Variants in TTC28 observed in about 807,000 individuals in gnomAD.
TTC28 encodes the protein tetratricopeptide repeat protein 28.
A neutral mutation model predicts 198.0 loss-of-function variants in TTC28; 61 were observed. The observed-to-expected ratio is 0.31, with a 90% CI of 0.25 to 0.38. The LOEUF is 0.38. Ranked by LOEUF, TTC28 falls within the 10% of genes least tolerant of loss-of-function variation. The pLI is 1.00. For missense variants in TTC28, 2,678 were observed against 3,164.0 expected (o/e 0.85, Z 3.69); for synonymous variants, 1,171 against 1,297.8 (o/e 0.90, Z 2.10).
At chr22:28,658,849 T>G (rs1313412511) in intron 1 of TTC28, among the ~76,000 whole-genome samples, 18 of 152,030 alleles carry the variant, frequency 1.2e-4, no homozygotes, top group Admixed American at 1.2e-3. Context: ...ATACAAAAAT[T>G]AGCCGGACAT....
At chr22:28,440,923 G>T (rs1445578117) in intron 2 of TTC28, among the ~76,000 whole-genome samples, 1 of 152,178 alleles carries the variant, frequency 6.6e-6, no homozygotes, top group Non-Finnish European at 1.5e-5. Flanking sequence ...CACCAAATAA[G>T]CATATGGTAT....
chr22:28,010,905 A>G (rs750530540), intron 14 of TTC28, among the ~76,000 whole-genome samples: 1 of 152,118 alleles, frequency 6.6e-6, no homozygotes, highest in African/African-American at 2.4e-5. Context: ...CAGAAACTTT[A>G]CTGACCGCCA....
chr22:28,115,585 A>G (rs1942608210), intron 6 of TTC28, among the ~76,000 whole-genome samples: 1 of 152,260 alleles, frequency 6.6e-6, no homozygotes, highest in Admixed American at 6.5e-5. Flanking sequence ...ATCCTAAAAG[A>G]TTAAGAAATG....
In TTC28 at chr22:28,400,818, A is replaced by G. The variant is rs990471250; in HGVS notation, c.382-94175T>C. 3.3e-5 allele frequency among the ~76,000 whole-genome samples: 5 copies of G among 152,326 alleles called. 1 individual carries two copies. The South Asian group carries it at 6.2e-4, about 19-fold the overall frequency. On this transcript the variant is annotated intron_variant, in intron 2 of 22. Coordinates refer to ENST00000397906, the MANE Select transcript of TTC28 (RefSeq NM_001145418.2). ...GTGCCAATTCTCCAGGCCACTTTTTAATGCATTTCTAGTATTATTATTTTA... is the reference window on the plus strand; with the variant it reads ...GTGCCAATTCTCCAGGCCACTTTTTGATGCATTTCTAGTATTATTATTTTA...
intron 2 of TTC28, among the ~76,000 whole-genome samples, chr22:28,432,968 G>A (rs1201975960): frequency 1.3e-5 from 2 of 151,994 alleles, no homozygotes; most frequent in Non-Finnish European, 2.9e-5. Context: ...CACCAAAGTG[G>A]GCCTGTCAGA....
At chr22:28,388,767 T>A (rs1329913289) in intron 2 of TTC28, among the ~76,000 whole-genome samples, 6 of 152,214 alleles carry the variant, frequency 3.9e-5, no homozygotes, top group African/African-American at 7.2e-5. Flanking sequence ...TTTCTAGATA[T>A]ACAATCATGT....
intron 6 of TTC28, among the ~76,000 whole-genome samples, chr22:28,109,768 G>C (rs137998025): frequency 6.6e-6 from 1 of 152,174 alleles, no homozygotes; most frequent in Non-Finnish European, 1.5e-5. Flanking sequence ...TATGCAAACA[G>C]GTTTCTCCTT....
chr22:28,047,319 G>A lies in TTC28; in HGVS notation c.3933-16953C>T, dbSNP rs116236879. Among the ~76,000 whole-genome samples, 1,061 of 152,306 alleles carry A rather than the reference G, an allele frequency of 7.0e-3. 11 individuals carry two copies. Among genetic ancestry groups the A allele is most frequent in the African/African-American group, 0.025 (1,024 of 41,560 alleles). ...TGCCAGGAGGGTGAGGCTAGGGAGG[G>A]GATAGCCTATGCTGCTAGAGTTCAC... On this transcript the variant is annotated intron_variant, in intron 12 of 22. Transcript: ENST00000397906.
chr22:28,178,520 G>C (rs1228592676), intron 5 of TTC28, among the ~76,000 whole-genome samples: 1 of 152,032 alleles, frequency 6.6e-6, no homozygotes, highest in Non-Finnish European at 1.5e-5. Flanking sequence ...ATATAAATTG[G>C]AGTTTTCCTC....
chr22:28,345,564 G>A (rs1327692556), intron 2 of TTC28, among the ~76,000 whole-genome samples: 1 of 152,072 alleles, frequency 6.6e-6, no homozygotes, highest in Admixed American at 6.6e-5. Context: ...CAACTTTGAG[G>A]GTTTGGCAAA....
At chr22:28,255,551 C>T (rs979757387) in intron 5 of TTC28, among the ~76,000 whole-genome samples, 14 of 151,956 alleles carry the variant, frequency 9.2e-5, no homozygotes, top group Admixed American at 6.6e-4. Flanking sequence ...CGAGGTGGCA[C>T]GTGCCTGTAA....
intron 5 of TTC28, among the ~76,000 whole-genome samples, chr22:28,275,677 T>C (rs573908754): frequency 6.6e-6 from 1 of 151,504 alleles, no homozygotes; most frequent in South Asian, 2.1e-4. Context: ...TATTCAGCAA[T>C]AGAGTAAAGC....
At chr22:28,082,962 T>C (rs1308615523) in intron 12 of TTC28, among the ~76,000 whole-genome samples, 1 of 152,146 alleles carries the variant, frequency 6.6e-6, no homozygotes, top group Non-Finnish European at 1.5e-5. Flanking sequence ...TTCTTCATGA[T>C]TCAGTCTTGG....
chr22:28,144,315 CCTT>C lies in TTC28; in HGVS notation c.1441+18774_1441+18776del, dbSNP rs541022153. On this transcript the variant is annotated intron_variant, in intron 6 of 22. Coordinates refer to ENST00000397906, the MANE Select transcript of TTC28 (RefSeq NM_001145418.2). ...TTCTGTCTCCTGGCTGCCACAGACT[CCTT>C]CTGAGAGAATCTCAGGAAGCCAACC... Among the ~76,000 whole-genome samples the C allele has an allele frequency of 8.5e-5, 13 of 152,338 alleles. No individual in the cohort carries two copies. In the East Asian group the frequency reaches 2.3e-3, roughly 27 times the overall value.
chr22:28,526,070 CTG>C (rs2048998435), intron 2 of TTC28, among the ~76,000 whole-genome samples: 1 of 152,186 alleles, frequency 6.6e-6, no homozygotes, highest in South Asian at 2.1e-4. Flanking sequence ...AGTACCATGT[CTG>C]TAAGTACGGG....
chr22:28,274,278 A>G (rs1157288445), intron 5 of TTC28, among the ~76,000 whole-genome samples: 1 of 152,214 alleles, frequency 6.6e-6, no homozygotes, highest in Non-Finnish European at 1.5e-5. Context: ...GTACCTTTCC[A>G]TAGATAATAC....
At chr22:28,256,339 T>A in intron 5 of TTC28, among the ~76,000 whole-genome samples, 1 of 150,634 alleles carries the variant, frequency 6.6e-6, no homozygotes, top group East Asian at 2.0e-4. Context: ...GAGAATTGCT[T>A]GAACCCAGGA....
chr22:28,001,327 G>A, intron 15 of TTC28, 47 bp downstream of exon 15: 1 of 1,522,792 alleles, frequency 6.6e-7, no homozygotes, highest in Non-Finnish European at 8.9e-7. Context: ...GGTGCCTCGT[G>A]ACCCGAAAAC....
chr22:28,544,567 G>A (rs570559857), intron 2 of TTC28, among the ~76,000 whole-genome samples: 2 of 152,256 alleles, frequency 1.3e-5, no homozygotes, highest in East Asian at 1.9e-4. Context: ...ATGACCGGCT[G>A]GGCTGCATTC....
Sources: allele counts gnomAD v4.1 joint callset (sites outside exome capture counted in the v4.1 genomes callset), GRCh38; gene constraint gnomAD v4.1.1; transcripts MANE v1.5; gene names NCBI Gene and HGNC (gene_info 2026-07-23, HGNC 2026-07-21).